Variants in LMX1A observed in about 807,000 individuals in gnomAD.
LMX1A encodes the protein LIM homeobox transcription factor 1 alpha.
In LMX1A, 15 loss-of-function variants were observed where a neutral mutation model predicts 49.1. That is an observed-to-expected ratio of 0.31 (90% confidence interval 0.20 to 0.47). The LOEUF is 0.47. Ranked by LOEUF, LMX1A falls within the 20% of genes least tolerant of loss-of-function variation. The probability of loss-of-function intolerance (pLI) is 1.00; values close to 1 mark genes in which losing one functional copy is unlikely to be tolerated. For synonymous variants in LMX1A, 167 were observed against 185.7 expected (o/e 0.90, Z 0.82); for missense variants, 372 against 475.8 (o/e 0.78, Z 2.03).
intron 5 of LMX1A, among the ~76,000 whole-genome samples, chr1:165,212,361 C>A (rs569273995): frequency 6.6e-6 from 1 of 152,190 alleles, no homozygotes; most frequent in Non-Finnish European, 1.5e-5. Context: ...CTCATGAGAA[C>A]AACAAGCCCA....
At chr1:165,318,162 T>G (rs1294462008) in intron 3 of LMX1A, among the ~76,000 whole-genome samples, 1 of 152,242 alleles carries the variant, frequency 6.6e-6, no homozygotes, top group Non-Finnish European at 1.5e-5. Context: ...TTTTTTGGTA[T>G]CCTGTTTACC....
In LMX1A at chr1:165,220,709, A is replaced by C. The variant is rs535219308; in HGVS notation, c.497-6896T>G. ...GTAAGCAATTGACAGTCATCTGTACATGCCTTGGGCCAAGTGTGTGGAAAA... is the reference window on the plus strand; with the variant it reads ...GTAAGCAATTGACAGTCATCTGTACCTGCCTTGGGCCAAGTGTGTGGAAAA... On this transcript the variant is annotated intron_variant, in intron 4 of 8. Transcript: ENST00000342310. 2.6e-5 allele frequency among the ~76,000 whole-genome samples: 4 copies of C among 152,340 alleles called. No individual in the cohort carries two copies. The East Asian group carries it at 7.7e-4, about 29-fold the overall frequency.
intron 4 of LMX1A, among the ~76,000 whole-genome samples, chr1:165,241,782 G>T (rs1352203993): frequency 6.6e-6 from 1 of 152,192 alleles, no homozygotes; most frequent in Admixed American, 6.5e-5. Flanking sequence ...AGACAGGGTA[G>T]ATGAAATACT....
chr1:165,318,489 G>A (rs1191106851), intron 3 of LMX1A, among the ~76,000 whole-genome samples: 1 of 152,026 alleles, frequency 6.6e-6, no homozygotes, highest in Non-Finnish European at 1.5e-5. Context: ...TTTCTCTGAG[G>A]ACTCCAAGCC....
chr1:165,232,986 A>C (rs1160906866), intron 4 of LMX1A, among the ~76,000 whole-genome samples: 3 of 152,220 alleles, frequency 2.0e-5, no homozygotes, highest in African/African-American at 4.8e-5. Flanking sequence ...ACGGACCAGC[A>C]GAAGTCCCAA....
chr1:165,317,897 T>C (rs1253017113), intron 3 of LMX1A, among the ~76,000 whole-genome samples: 1 of 152,354 alleles, frequency 6.6e-6, no homozygotes, highest in East Asian at 1.9e-4. Flanking sequence ...AATTAATAGT[T>C]GCCACAAAAG....
At chr1:165,216,372 T>C (rs1651643715) in intron 4 of LMX1A, among the ~76,000 whole-genome samples, 1 of 152,188 alleles carries the variant, frequency 6.6e-6, no homozygotes, top group South Asian at 2.1e-4. Context: ...CTTTGGTGTT[T>C]AGTGAGGCCA....
intron 3 of LMX1A, among the ~76,000 whole-genome samples, chr1:165,306,984 T>C (rs1340551731): frequency 6.6e-6 from 1 of 152,214 alleles, no homozygotes; most frequent in Non-Finnish European, 1.5e-5. Context: ...CCCCATGTCC[T>C]CTCGGGCAGA....
chr1:165,264,358 C>T (rs547604183), intron 3 of LMX1A, among the ~76,000 whole-genome samples: 114 of 152,250 alleles, frequency 7.5e-4, no homozygotes, highest in African/African-American at 2.5e-3. Context: ...AAACAGGATT[C>T]TTGGTTTAAA....
chr1:165,222,817 C>A (rs1385991839), intron 4 of LMX1A, among the ~76,000 whole-genome samples: 3 of 152,180 alleles, frequency 2.0e-5, no homozygotes, highest in Admixed American at 2.0e-4. Flanking sequence ...CGGGTCTATG[C>A]CTTCAGACTC....
intron 3 of LMX1A, among the ~76,000 whole-genome samples, chr1:165,328,329 G>A (rs1031732966): frequency 8.5e-5 from 13 of 152,296 alleles, no homozygotes; most frequent in African/African-American, 2.4e-4. Flanking sequence ...TACATCTGTC[G>A]CTGGGCAGGA....
At chr1:165,215,096 T>C (rs956125319) in intron 4 of LMX1A, among the ~76,000 whole-genome samples, 2 of 152,114 alleles carry the variant, frequency 1.3e-5, no homozygotes, top group Non-Finnish European at 2.9e-5. Flanking sequence ...GGCAGGTGGA[T>C]TTCCTGAGCT....
At chr1:165,246,206 T>C (rs1652844546) in intron 4 of LMX1A, among the ~76,000 whole-genome samples, 2 of 152,136 alleles carry the variant, frequency 1.3e-5, no homozygotes, top group African/African-American at 4.8e-5. Context: ...TAAGCTTTGT[T>C]AAGGAAACAA....
At chr1:165,255,173 T>C (rs546893160) in intron 3 of LMX1A, among the ~76,000 whole-genome samples, 1 of 152,336 alleles carries the variant, frequency 6.6e-6, no homozygotes, top group Admixed American at 6.5e-5. Context: ...GTTTGGGATA[T>C]GCAGAGAGAA....
chr1:165,231,061 C>T (rs1479045643), intron 4 of LMX1A, among the ~76,000 whole-genome samples: 4 of 152,012 alleles, frequency 2.6e-5, no homozygotes, highest in African/African-American at 9.7e-5. Context: ...CTAACTAGAG[C>T]TTGTAGAAAT....
intron 8 of LMX1A, among the ~76,000 whole-genome samples, chr1:165,205,452 T>A (rs904798821): frequency 2.6e-5 from 4 of 152,260 alleles, no homozygotes; most frequent in African/African-American, 9.6e-5. Context: ...CATAGTAGGA[T>A]AGTCCAGTTA....
chr1:165,322,681 C>T (rs1424741834), intron 3 of LMX1A, among the ~76,000 whole-genome samples: 1 of 152,052 alleles, frequency 6.6e-6, no homozygotes, highest in Non-Finnish European at 1.5e-5. Context: ...AGAAAGGGGG[C>T]TGTCTGCTTA....
intron 3 of LMX1A, among the ~76,000 whole-genome samples, chr1:165,309,717 C>A (rs1645154579): frequency 6.6e-6 from 1 of 152,184 alleles, no homozygotes; most frequent in South Asian, 2.1e-4. Flanking sequence ...ACCAGTGAAC[C>A]ACCCACCTTC....
At chr1:165,319,183 T>C (rs920581268) in intron 3 of LMX1A, among the ~76,000 whole-genome samples, 1 of 152,180 alleles carries the variant, frequency 6.6e-6, no homozygotes, top group Non-Finnish European at 1.5e-5. Flanking sequence ...GAATGCTCCA[T>C]ATTACCTCTA....
Sources: gnomAD v4.1 joint callset for allele counts (sites outside exome capture counted in the v4.1 genomes callset) on GRCh38, gnomAD v4.1.1 for gene constraint, MANE v1.5 for transcripts, NCBI Gene and HGNC (gene_info 2026-07-23, HGNC 2026-07-21) for gene names.